Variants in UCK2 observed in about 807,000 individuals in gnomAD.
UCK2 encodes the protein uridine-cytidine kinase 2, also known as cytidine monophosphokinase 2.
UCK2 carries 6 observed loss-of-function variants against 30.8 expected under a neutral mutation model. The observed-to-expected ratio is 0.19, with a 90% CI of 0.11 to 0.38. The LOEUF is 0.38. Among genes scored for constraint, UCK2 ranks in the 10% least tolerant of loss-of-function variants. UCK2 has a pLI of 1.00. For missense variants in UCK2, 210 were observed against 339.8 expected (o/e 0.62, Z 3.00); for synonymous variants, 125 against 133.6 (o/e 0.94, Z 0.45).
At chr1:165,840,213 C>T (rs375840231) in intron 1 of UCK2, among the ~76,000 whole-genome samples, 1 of 152,254 alleles carries the variant, frequency 6.6e-6, no homozygotes, top group Non-Finnish European at 1.5e-5. Flanking sequence ...GCCACTGTGC[C>T]CGGCCTGGTC....
chr1:165,858,956 C>G (rs1007254298), intron 1 of UCK2, among the ~76,000 whole-genome samples: 1 of 152,126 alleles, frequency 6.6e-6, no homozygotes, highest in African/African-American at 2.4e-5. Flanking sequence ...GAAAGGGCTG[C>G]GTAAACCAGA....
At chr1:165,895,606 C>A in intron 3 of UCK2, 2 of 985,578 alleles carry the variant, frequency 2.0e-6, no homozygotes, top group Non-Finnish European at 2.4e-6. Flanking sequence ...ACCAGACAGA[C>A]GTCGGGATTC....
intron 1 of UCK2, among the ~76,000 whole-genome samples, chr1:165,870,710 G>C (rs1358481492): frequency 1.3e-5 from 2 of 152,206 alleles, no homozygotes; most frequent in Non-Finnish European, 2.9e-5. Flanking sequence ...GTGGAAGGAG[G>C]TTATCAAGGT....
At chr1:165,863,432 C>T (rs1358212795) in intron 1 of UCK2, among the ~76,000 whole-genome samples, 1 of 152,146 alleles carries the variant, frequency 6.6e-6, no homozygotes, top group African/African-American at 2.4e-5. Context: ...TTTTGTTAAG[C>T]AGATCTTCAG....
At chr1:165,841,637 G>A (rs1654334132) in intron 1 of UCK2, among the ~76,000 whole-genome samples, 1 of 152,148 alleles carries the variant, frequency 6.6e-6, no homozygotes, top group Non-Finnish European at 1.5e-5. Context: ...ACACTTGTGA[G>A]GTGCTGGGAA....
intron 1 of UCK2, among the ~76,000 whole-genome samples, chr1:165,854,556 C>T (rs539843474): frequency 6.6e-6 from 1 of 151,650 alleles, no homozygotes; most frequent in Admixed American, 6.6e-5. Flanking sequence ...GCCCTGTCTT[C>T]TAGAGTTAGA....
chr1:165,895,324 G>A (rs886498991), intron 3 of UCK2, among the ~76,000 whole-genome samples: 4 of 152,176 alleles, frequency 2.6e-5, no homozygotes, highest in African/African-American at 7.2e-5. Context: ...TGAGGCGGGA[G>A]GATCGCCTGA....
chr1:165,885,525 C>T (rs1199843147), intron 1 of UCK2: 15 of 391,858 alleles, frequency 3.8e-5, no homozygotes, highest in Middle Eastern at 6.4e-4. Flanking sequence ...ACCCTCCCGA[C>T]TCCAATTTCA....
chr1:165,870,053 A>G (rs1008071097), intron 1 of UCK2, among the ~76,000 whole-genome samples: 9 of 152,054 alleles, frequency 5.9e-5, no homozygotes, highest in Non-Finnish European at 1.0e-4. Context: ...TCCAATGTCA[A>G]AGTGCTTTAT....
chr1:165,905,714 C>T (rs958732400), intron 5 of UCK2, among the ~76,000 whole-genome samples: 1 of 152,148 alleles, frequency 6.6e-6, no homozygotes, highest in Non-Finnish European at 1.5e-5. Flanking sequence ...TTCAGCTAAA[C>T]AAGGCACTTC....
chr1:165,867,761 T>C (rs1311701127), intron 1 of UCK2, among the ~76,000 whole-genome samples: 1 of 152,214 alleles, frequency 6.6e-6, no homozygotes, highest in African/African-American at 2.4e-5. Flanking sequence ...TCCACTGAAG[T>C]CTTGAACCCC....
chr1:165,893,458 A>G (rs946075520), intron 3 of UCK2, among the ~76,000 whole-genome samples: 3 of 152,162 alleles, frequency 2.0e-5, no homozygotes, highest in African/African-American at 7.2e-5. Flanking sequence ...ACTTAATTGG[A>G]CATCGAGCCA....
At chr1:165,885,666 G>A (rs890081156) in intron 1 of UCK2, among the ~76,000 whole-genome samples, 1 of 152,204 alleles carries the variant, frequency 6.6e-6, no homozygotes, top group Non-Finnish European at 1.5e-5. Context: ...ACAGCGCTAT[G>A]CAGCTGCAGC....
intron 1 of UCK2, among the ~76,000 whole-genome samples, chr1:165,830,330 A>ATT (rs55852320): frequency 7.2e-6 from 1 of 138,612 alleles, no homozygotes; most frequent in Non-Finnish European, 1.6e-5. Flanking sequence ...TTTTTTTATT[A>ATT]TTTTTTTTTT....
chr1:165,878,619 C>T lies in UCK2; in HGVS notation c.100-11585C>T, dbSNP rs538317350. The stretch of plus-strand genomic sequence containing the variant: ...TTGGCCTCCCAAAGTGCTGGGATTA[C>T]AGGCGTAAGCCACCGTGCCCGGCTG... On this transcript the variant is annotated intron_variant, in intron 1 of 6. Transcript: ENST00000367879. Among the ~76,000 whole-genome samples the T allele has an allele frequency of 7.2e-5, 11 of 152,330 alleles. No homozygotes were observed. The East Asian group carries it at 2.1e-3, about 29-fold the overall frequency.
At chr1:165,865,832 A>G (rs182737684) in intron 1 of UCK2, among the ~76,000 whole-genome samples, 1 of 152,340 alleles carries the variant, frequency 6.6e-6, no homozygotes, top group African/African-American at 2.4e-5. Flanking sequence ...GAACACTCGC[A>G]CAATGAGACT....
intron 1 of UCK2, among the ~76,000 whole-genome samples, chr1:165,833,988 A>G (rs970997585): frequency 1.3e-5 from 2 of 152,166 alleles, no homozygotes; most frequent in African/African-American, 2.4e-5. Context: ...GAAAAAGGAA[A>G]CATTTAGAAA....
intron 1 of UCK2, among the ~76,000 whole-genome samples, chr1:165,864,956 G>C (rs186142573): frequency 4.1e-4 from 62 of 152,120 alleles, no homozygotes; most frequent in African/African-American, 1.5e-3. Flanking sequence ...CAAAGTATTG[G>C]GATTACAGGT....
chr1:165,861,536 G>A (rs1241170359), intron 1 of UCK2, among the ~76,000 whole-genome samples: 3 of 141,236 alleles, frequency 2.1e-5, no homozygotes, highest in Non-Finnish European at 4.6e-5. Context: ...GCTGAGGCAG[G>A]AGAATGGCGT....
Sources: gnomAD v4.1 joint callset for allele counts (sites outside exome capture counted in the v4.1 genomes callset) on GRCh38, gnomAD v4.1.1 for gene constraint, MANE v1.5 for transcripts, NCBI Gene and HGNC (gene_info 2026-07-23, HGNC 2026-07-21) for gene names.